The following AARS1 variants were observed in gnomAD, a reference collection of about 807,000 sequenced individuals.
The protein encoded by AARS1 is alanyl-tRNA synthetase 1.
Under a neutral mutation model 108.9 loss-of-function variants are expected in AARS1, and 72 were observed. The ratio of observed to expected loss-of-function variants is 0.66; its 90% confidence interval spans 0.55 to 0.80. The LOEUF (loss-of-function observed/expected upper bound fraction) is 0.80. Ranked by LOEUF, AARS1 falls within the 30% of genes least tolerant of loss-of-function variation. The pLI, the probability that AARS1 is intolerant of heterozygous loss-of-function variation, is 0.00. For synonymous variants in AARS1, 489 were observed against 465.7 expected, an observed-to-expected ratio of 1.05 and a Z score of -0.64; for missense variants, 1,193 against 1,233.2, an observed-to-expected ratio of 0.97 and a Z score of 0.49.
At chr16:70,261,364 G>A in intron 12 of AARS1, 1 of 427,500 alleles carries the variant, frequency 2.3e-6, no homozygotes, top group Non-Finnish European at 4.4e-6. Flanking sequence ...GGGAGGCTCA[G>A]GTGAGTAGAT....
chr16:70,277,802 G>C (rs1281494440), intron 2 of AARS1, among the ~76,000 whole-genome samples: 1 of 150,590 alleles, frequency 6.6e-6, no homozygotes, highest in Non-Finnish European at 1.5e-5. Flanking sequence ...GCCCAGGCTG[G>C]AGTACAGTGG....
At chr16:70,261,274 A>G (rs1960125353) in intron 12 of AARS1, 117 bp from the exon 13 acceptor site, 2 of 699,906 alleles carry the variant, frequency 2.9e-6, no homozygotes, top group Non-Finnish European at 5.0e-6. Context: ...AATTGCACAC[A>G]CACACATACT....
chr16:70,260,257 T>C (rs1567603753), intron 13 of AARS1, among the ~76,000 whole-genome samples: 1 of 152,208 alleles, frequency 6.6e-6, no homozygotes, highest in Non-Finnish European at 1.5e-5. Context: ...ATGGATCTGA[T>C]AGCTATCCTC....
chr16:70,279,269 T>C (rs1310185178), intron 2 of AARS1, among the ~76,000 whole-genome samples: 1 of 146,078 alleles, frequency 6.8e-6, no homozygotes, highest in Non-Finnish European at 1.5e-5. Flanking sequence ...GAGAACTGCT[T>C]GAACCTGGGA....
At chr16:70,280,514 C>A (rs1047578219) in intron 2 of AARS1, among the ~76,000 whole-genome samples, 2 of 152,076 alleles carry the variant, frequency 1.3e-5, no homozygotes, top group Non-Finnish European at 2.9e-5. Context: ...AGAATATGTC[C>A]CCATTGTTTC....
At chr16:70,264,391 AC>A (rs1481130597) in intron 11 of AARS1, among the ~76,000 whole-genome samples, 2 of 150,714 alleles carry the variant, frequency 1.3e-5, no homozygotes, top group Non-Finnish European at 3.0e-5. Context: ...ATCTTGGCTC[AC>A]TGCAACCTCT....
chr16:70,274,248 G>A (rs939389253), intron 4 of AARS1, among the ~76,000 whole-genome samples: 6 of 151,718 alleles, frequency 4.0e-5, no homozygotes, highest in Non-Finnish European at 7.4e-5. Flanking sequence ...GGCTGAGACA[G>A]GAGAATTGCT....
At chr16:70,261,493 G>A (rs995088974) in intron 12 of AARS1, 6 of 290,944 alleles carry the variant, frequency 2.1e-5, no homozygotes, top group African/African-American at 1.1e-4. Flanking sequence ...ACCTACTCAG[G>A]AGGCAGAGGC....
intron 12 of AARS1, among the ~76,000 whole-genome samples, chr16:70,262,109 G>A (rs1385687981): frequency 1.2e-4 from 19 of 152,158 alleles, no homozygotes. Flanking sequence ...CCTTTTTAAT[G>A]TGCAAAGCTT....
rs1960649472 is a variant in AARS1, at chr16:70,279,722, G to T, written c.145-2568C>A. 6.0e-5 allele frequency among the ~76,000 whole-genome samples: 9 copies of T among 150,314 alleles called. No individual in the cohort carries two copies. The South Asian group carries it at 1.9e-3, about 32-fold the overall frequency. On this transcript the variant is annotated intron_variant, in intron 2 of 20. Transcript: ENST00000261772. ...ACAAACACTGTACTCCCTGGTTCTT[G>T]TTCAGGCGGCTCATGTGGAAGGTGA...
At chr16:70,289,064 GTTAATT>G (rs1960954918) in intron 1 of AARS1, among the ~76,000 whole-genome samples, 1 of 152,084 alleles carries the variant, frequency 6.6e-6, no homozygotes. Flanking sequence ...CAGCTGTTTA[GTTAATT>G]TTAAGAAATC....
Position 70,289,363 on chromosome 16 carries a change from C to A in AARS1, c.-22+58G>T, listed in dbSNP as rs938833893. 1.7e-4 allele frequency: 61 copies of A among 355,770 alleles called. 1 individual carries two copies. The highest frequency in any genetic ancestry group is 2.8e-4 in the Non-Finnish European group (50 of 180,122). The allele number at this position is 355,770 out of a possible 1,614,324, so 22.0% of individuals were successfully genotyped here. ...CCACTGCGGCTGCGGAGCTTTCCCC[C>A]CAGTCTGCGGGCCCAGCCGCTCTCC... On this transcript the variant is annotated intron_variant, in intron 1 of 20. Coordinates refer to ENST00000261772, the MANE Select transcript of AARS1 (RefSeq NM_001605.3).
intron 19 of AARS1, 123 bp downstream of exon 19, chr16:70,253,591 C>T: frequency 8.1e-7 from 1 of 1,235,522 alleles, no homozygotes; most frequent in Non-Finnish European, 1.2e-6. Context: ...TGCTGCTCCT[C>T]CCAATCTCAA....
At chr16:70,262,546 A>G (rs772325543) in intron 11 of AARS1, 22 bp from the exon 12 acceptor site, 98 of 1,599,220 alleles carry the variant, frequency 6.1e-5, no homozygotes, top group Non-Finnish European at 7.6e-5. Flanking sequence ...AAATGCATAG[A>G]AAGGGGACAG....
chr16:70,259,011 T>C lies in AARS1; in HGVS notation c.1961A>G (p.Glu654Gly). The C allele has an allele frequency of 6.2e-7, 1 of 1,614,198 alleles. No homozygotes were observed. The highest frequency in any genetic ancestry group is 8.5e-7 in the Non-Finnish European group (1 of 1,180,038). Residue 654 changes from glutamate (E) to glycine (G), a missense_variant, in exon 14 of 21, where the codon GAG becomes GGG. Coordinates refer to ENST00000261772, the MANE Select transcript of AARS1 (RefSeq NM_001605.3). ...MSTQQIKKAE[E>G]IANEMIEAAK... ...TGCCTCAATCATCTCATTAGCAATC[T>C]CTTCAGCCTTCTTGATCTGTTGGGT...
At chr16:70,258,952 G>T (rs1293139782) in intron 14 of AARS1, 28 bp downstream of exon 14, 1 of 1,602,292 alleles carries the variant, frequency 6.2e-7, no homozygotes, top group East Asian at 2.2e-5. Flanking sequence ...TGTGGGGAGG[G>T]GGGGCATTCA....
chr16:70,252,843 C>A lies in AARS1; in HGVS notation c.2785G>T (p.Gly929Cys), dbSNP rs750827192. Residue 929 changes from glycine (G) to cysteine (C), a missense_variant, in exon 21 of 21, where the codon GGT becomes TGT. Gly to Cys is a radical substitution (Grantham distance 159). Transcript: ENST00000261772. ...GACACATCCTTGCCACCACCTTTAC[C>A]GTCCATCAAGCCTGACACCTGCTGC... ...WVQQVSGLMD[G>C]KGGGKDVSAQ... 1 of 1,614,232 alleles carries A rather than the reference C, an allele frequency of 6.2e-7. No individual in the cohort carries two copies. Among genetic ancestry groups the A allele is most frequent in the Non-Finnish European group, 8.5e-7 (1 of 1,180,040 alleles).
intron 9 of AARS1, among the ~76,000 whole-genome samples, chr16:70,265,950 G>A (rs534759171): frequency 8.3e-4 from 127 of 152,212 alleles, no homozygotes; most frequent in Middle Eastern, 6.8e-3. Flanking sequence ...AGGCCGAGGC[G>A]GGCGGATCAT....
chr16:70,262,714 A>T (rs1477309597), intron 11 of AARS1, among the ~76,000 whole-genome samples, 190 bp from the exon 12 acceptor site: 1 of 151,792 alleles, frequency 6.6e-6, no homozygotes, highest in Non-Finnish European at 1.5e-5. Context: ...TCCCCCTATA[A>T]TCCCAGCACT....
Sources: allele counts gnomAD v4.1 joint callset (sites outside exome capture counted in the v4.1 genomes callset), GRCh38; gene constraint gnomAD v4.1.1; transcripts MANE v1.5; gene names NCBI Gene and HGNC (gene_info 2026-07-23, HGNC 2026-07-21).